The following ZSWIM9 variants were observed in gnomAD, a reference collection of about 807,000 sequenced individuals.
ZSWIM9 encodes the protein zinc finger SWIM-type containing 9.
A neutral mutation model predicts 25.0 loss-of-function variants in ZSWIM9; 11 were observed. The ratio of observed to expected loss-of-function variants is 0.44; its 90% CI spans 0.28 to 0.73. ZSWIM9 has a LOEUF of 0.73. Ranked by LOEUF, ZSWIM9 falls within the 30% of genes least tolerant of loss-of-function variation. The probability of loss-of-function intolerance (pLI) is 0.16; values close to 1 mark genes in which losing one functional copy is unlikely to be tolerated. For missense variants in ZSWIM9, 1,070 were observed against 1,296.5 expected (o/e 0.83, Z 2.68); for synonymous variants, 562 against 582.1 (o/e 0.97, Z 0.50).
intron 2 of ZSWIM9, among the ~76,000 whole-genome samples, chr19:48,178,125 T>C (rs1484342668): frequency 2.0e-5 from 3 of 152,230 alleles, no homozygotes; most frequent in Non-Finnish European, 4.4e-5. Context: ...CTCGAACTCC[T>C]GACCTCAAGT....
At chr19:48,178,684 T>C (rs930772393) in intron 2 of ZSWIM9, among the ~76,000 whole-genome samples, 1 of 152,022 alleles carries the variant, frequency 6.6e-6, no homozygotes, top group African/African-American at 2.4e-5. Flanking sequence ...TCAAGCGATC[T>C]CCTGCCTCAG....
In ZSWIM9 at chr19:48,192,508, C is replaced by T. The variant is rs1156362053; in HGVS notation, c.589-2145C>T. ...ATATATATATATATATACACACACACACACACACACATTTACATAGCCCCG... is the reference window on the plus strand; with the variant it reads ...ATATATATATATATATACACACACATACACACACACATTTACATAGCCCCG... On this transcript the variant is annotated intron_variant, in intron 3 of 3. Coordinates refer to ENST00000614654, the MANE Select transcript of ZSWIM9 (RefSeq NM_199341.4). 3.5e-4 allele frequency among the ~76,000 whole-genome samples: 27 copies of T among 77,954 alleles called. 1 individual carries two copies. The highest frequency in any genetic ancestry group is 2.2e-3 in the South Asian group (4 of 1,814). The allele number at this position is 77,954 out of a possible 152,430, so 51.1% of individuals were successfully genotyped here.
chr19:48,192,473 A>G (rs1302457489), intron 3 of ZSWIM9, among the ~76,000 whole-genome samples: 2 of 34,358 alleles, frequency 5.8e-5, no homozygotes, highest in African/African-American at 2.0e-4. Flanking sequence ...AAAAAAAAAA[A>G]AAAAAAAATA....
In ZSWIM9 at chr19:48,197,039, GTGT is replaced by G; in HGVS notation, c.*215_*217del. On this transcript the variant is annotated 3_prime_UTR_variant, in exon 4 of 4. Transcript: ENST00000614654. Reference sequence around the variant, plus strand: ...GGTCCTGGAGCCACAGCTTGGGAAGGTGTTGATGGGCAGGGTGGATTCTGAGGG... The same window carrying G: ...GGTCCTGGAGCCACAGCTTGGGAAGGTGATGGGCAGGGTGGATTCTGAGGG... The G allele has an allele frequency of 1.8e-6, 1 of 551,014 alleles. No individual in the cohort carries two copies. Among genetic ancestry groups the G allele is most frequent in the South Asian group, 2.8e-5 (1 of 35,626 alleles). The allele number at this position is 551,014 out of a possible 1,614,324, so 34.1% of individuals were successfully genotyped here.
rs1199874581 is a variant in ZSWIM9 at position 48,182,962 on chromosome 19, G to A, written c.588+195G>A. ...AACCAGACCCACGTGGTCTCTGTCC[G>A]CAGAGAGCTTACCTTCTAGGGTAGT... is the stretch of plus-strand genomic sequence containing the variant. On this transcript the variant is annotated intron_variant, in intron 3 of 3. Transcript: ENST00000614654. The surrounding 1 kb of genome is among the most constrained non-coding windows in gnomAD (Gnocchi z 4.6). The A allele has an allele frequency of 1.5e-5, 9 of 592,140 alleles. No individual in the cohort carries two copies. The highest frequency in any genetic ancestry group is 5.6e-5 in the East Asian group (2 of 35,408). The allele number at this position is 592,140 out of a possible 1,614,324, so 36.7% of individuals were successfully genotyped here.
At chr19:48,177,291 C>A (rs929094954) in intron 2 of ZSWIM9, among the ~76,000 whole-genome samples, 1 of 151,920 alleles carries the variant, frequency 6.6e-6, no homozygotes, top group Non-Finnish European at 1.5e-5. Flanking sequence ...ATGGGTAGGA[C>A]GTGGTGATGG....
At position 48,196,918 on chromosome 19, in the gene ZSWIM9, G is replaced by A. The variant is rs1456349535; in HGVS notation, c.*91G>A. On this transcript the variant is annotated 3_prime_UTR_variant, in exon 4 of 4. Transcript: ENST00000614654. ...TAATAGGGCTGAGGCCAAGGAGACCGTTGCAGTCCCCCTGGCCACCTTCTG... is the reference window on the plus strand; with the variant it reads ...TAATAGGGCTGAGGCCAAGGAGACCATTGCAGTCCCCCTGGCCACCTTCTG... 5 of 1,221,410 alleles carry A rather than the reference G, an allele frequency of 4.1e-6. No individual in the cohort carries two copies. Among genetic ancestry groups the A allele is most frequent in the Admixed American group, 7.5e-5 (2 of 26,558 alleles). The allele number at this position is 1,221,410 out of a possible 1,614,324, so 75.7% of individuals were successfully genotyped here. A position where few individuals can be genotyped will look rare whatever the true frequency, so the allele number is the denominator to read the frequency against.
Position 48,171,800 on chromosome 19 carries a change from A to G in ZSWIM9, c.-3A>G. ...TCTCCCCTCCTCCACGCAGGCCCCC[A>G]GGATGGAGCGGCCGGAGCCCCCACC... On this transcript the variant is annotated 5_prime_UTR_variant, in exon 2 of 4. Transcript: ENST00000614654. The G allele has an allele frequency of 3.3e-6, 5 of 1,531,004 alleles. No homozygotes were observed. The highest frequency in any genetic ancestry group is 4.4e-6 in the Non-Finnish European group (5 of 1,144,794). The allele number at this position is 1,531,004 out of a possible 1,614,324, so 94.8% of individuals were successfully genotyped here. A position where few individuals can be genotyped will look rare whatever the true frequency, so the allele number is the denominator to read the frequency against.
In ZSWIM9 at chr19:48,170,703, C is replaced by T. The variant is rs570490312; in HGVS notation, c.-21C>T. 5 of 156,560 alleles carry T rather than the reference C, an allele frequency of 3.2e-5. No homozygotes were observed. The highest frequency in any genetic ancestry group is 1.3e-4 in the African/African-American group (4 of 31,130). The allele number at this position is 156,560 out of a possible 1,614,324, so 9.7% of individuals were successfully genotyped here. ...GCATTGTGGGAGGTGGACGCCGCTCCGGGGCGGGTAGGTGAGTGGGGAGGG... is the reference window on the plus strand; with the variant it reads ...GCATTGTGGGAGGTGGACGCCGCTCTGGGGCGGGTAGGTGAGTGGGGAGGG... On this transcript the variant is annotated 5_prime_UTR_variant, in exon 1 of 4. Coordinates refer to ENST00000614654, the MANE Select transcript of ZSWIM9 (RefSeq NM_199341.4).
rs1054568698 is a variant in ZSWIM9 at position 48,196,800 on chromosome 19, T to C, written c.2736T>C (p.Asp912=). ...TATTCCACATGGACCTGCTCAGGGA[T>C]TGCTGGGGGAGAGCCCCAGAGCCCT... ...AALFHMDLLR[D]CWGRAPEP The change falls in exon 4 of 4, where the codon GAT becomes GAC. Residue 912 remains aspartate (D), a synonymous_variant. Transcript: ENST00000614654. 23 of 1,235,976 alleles carry C rather than the reference T, an allele frequency of 1.9e-5. No individual in the cohort carries two copies. The highest frequency in any genetic ancestry group is 2.3e-5 in the Non-Finnish European group (23 of 990,502). 76.6% of individuals were successfully genotyped at this position (1,235,976 alleles called of 1,614,324 possible).
At chr19:48,190,968 G>T (rs752094671) in intron 3 of ZSWIM9, among the ~76,000 whole-genome samples, 2 of 152,180 alleles carry the variant, frequency 1.3e-5, no homozygotes, top group African/African-American at 4.8e-5. Flanking sequence ...GTGGGACATG[G>T]AACAAGTTAT....
At chr19:48,170,880 G>C (rs887598344) in intron 1 of ZSWIM9, among the ~76,000 whole-genome samples, 166 bp downstream of exon 1, 2 of 151,958 alleles carry the variant, frequency 1.3e-5, no homozygotes, top group African/African-American at 2.4e-5. Flanking sequence ...AGCTGGACGT[G>C]GGGGGAGCAT....
At chr19:48,175,584 G>A (rs979703801) in intron 2 of ZSWIM9, among the ~76,000 whole-genome samples, 3 of 152,120 alleles carry the variant, frequency 2.0e-5, no homozygotes, top group Admixed American at 1.3e-4. Context: ...AAGGCTGTGA[G>A]TAGGGTCAGT....
Position 48,182,176 on chromosome 19 carries a change from CTG to C in ZSWIM9, c.276-275_276-274del. 2.2e-6 allele frequency: 1 copy of C among 458,792 alleles called. No homozygotes were observed. Among genetic ancestry groups the C allele is most frequent in the Non-Finnish European group, 3.8e-6 (1 of 259,844 alleles). 28.4% of individuals were successfully genotyped at this position (458,792 alleles called of 1,614,324 possible). On this transcript the variant is annotated intron_variant, in intron 2 of 3. Coordinates refer to ENST00000614654, the MANE Select transcript of ZSWIM9 (RefSeq NM_199341.4). This position sits in a 1 kb window ranked among gnomAD's most constrained non-coding sequence, Gnocchi z 4.6. ...CTTACTGCTTGCCATATTCCAGACA[CTG>C]TGTAGGTGCTTTACCTATATTAACT...
intron 2 of ZSWIM9, among the ~76,000 whole-genome samples, chr19:48,173,301 T>G (rs1198902026): frequency 6.6e-6 from 1 of 152,192 alleles, no homozygotes; most frequent in Non-Finnish European, 1.5e-5. Flanking sequence ...GTATTTTATT[T>G]AGTCTTTATT....
In ZSWIM9 at chr19:48,195,737, A is replaced by T; in HGVS notation, c.1673A>T (p.Asp558Val). 2 of 1,482,168 alleles carry T rather than the reference A, an allele frequency of 1.3e-6. No individual in the cohort carries two copies. Among genetic ancestry groups the T allele is most frequent in the South Asian group, 2.7e-5 (2 of 75,378 alleles). 91.8% of individuals were successfully genotyped at this position (1,482,168 alleles called of 1,614,324 possible). The change falls in exon 4 of 4, where the codon GAC (aspartate) becomes GTC (valine). Residue 558 changes from aspartate to valine, a missense_variant. Transcript: ENST00000614654. This position sits in a 1 kb window ranked among gnomAD's most constrained non-coding sequence, Gnocchi z 5.8. ...KGHLRGPEIR[D>V]WRGPQLEGEK... ...CACCTGAGAGGGCCAGAGATTAGAG[A>T]CTGGAGGGGGCCCCAGTTGGAGGGT...
Position 48,195,068 on chromosome 19 carries a change from C to G in ZSWIM9, c.1004C>G (p.Ala335Gly). 2 of 1,374,400 alleles carry G rather than the reference C, an allele frequency of 1.5e-6. No homozygotes were observed. The highest frequency in any genetic ancestry group is 9.3e-7 in the Non-Finnish European group (1 of 1,073,084). The allele number at this position is 1,374,400 out of a possible 1,614,324, so 85.1% of individuals were successfully genotyped here. Residue 335 changes from alanine to glycine, a missense_variant, in exon 4 of 4, where the codon GCC becomes GGC. Ala to Gly is a moderately conservative substitution (Grantham distance 60). Coordinates refer to ENST00000614654, the MANE Select transcript of ZSWIM9 (RefSeq NM_199341.4). This position sits in a 1 kb window ranked among gnomAD's most constrained non-coding sequence, Gnocchi z 5.8. ...LFSKAQELGG[A>G]GREDPGLWSR... Reference sequence around the variant, plus strand: ...AGCAAGGCGCAGGAGCTGGGCGGCGCCGGCCGCGAGGACCCGGGCCTGTGG... The same window carrying G: ...AGCAAGGCGCAGGAGCTGGGCGGCGGCGGCCGCGAGGACCCGGGCCTGTGG...
rs1568579337 is a variant in ZSWIM9 at position 48,187,429 on chromosome 19, T to TATTATATATTAATTATA, written c.588+4662_588+4663insATTATATATTAATTATA. ...TTATATATTATAATTATATATTATA[T>TATTATATATTAATTATA]TATATTATATATATTATATATTATA... On this transcript the variant is annotated intron_variant, in intron 3 of 3. Coordinates refer to ENST00000614654, the MANE Select transcript of ZSWIM9 (RefSeq NM_199341.4). Among the ~76,000 whole-genome samples, 11 of 103,986 alleles carry TATTATATATTAATTATA rather than the reference T, an allele frequency of 1.1e-4. No individual in the cohort carries two copies. In the East Asian group the frequency reaches 2.1e-3, roughly 20 times the overall value. The allele number at this position is 103,986 out of a possible 152,430, so 68.2% of individuals were successfully genotyped here. A position where few individuals can be genotyped will look rare whatever the true frequency, so the allele number is the denominator to read the frequency against.
chr19:48,182,127 G>T lies in ZSWIM9; in HGVS notation c.276-328G>T, dbSNP rs1375090314. 3.1e-6 allele frequency: 1 copy of T among 320,798 alleles called. No homozygotes were observed. Among genetic ancestry groups the T allele is most frequent in the Non-Finnish European group, 5.7e-6 (1 of 175,724 alleles). The allele number at this position is 320,798 out of a possible 1,614,324, so 19.9% of individuals were successfully genotyped here. The stretch of plus-strand genomic sequence containing the variant: ...CTCACTTTTGACAGAACTAAGGGTG[G>T]TAGGTATAGAATTTTAGTGAACACT... On this transcript the variant is annotated intron_variant, in intron 2 of 3. Coordinates refer to ENST00000614654, the MANE Select transcript of ZSWIM9 (RefSeq NM_199341.4). The surrounding 1 kb of genome is among the most constrained non-coding windows in gnomAD (Gnocchi z 4.6).
Sources: allele counts gnomAD v4.1 joint callset (sites outside exome capture counted in the v4.1 genomes callset), GRCh38; gene constraint gnomAD v4.1.1; non-coding constraint Gnocchi (gnomAD v3.1); transcripts MANE v1.5; gene names NCBI Gene and HGNC (gene_info 2026-07-23, HGNC 2026-07-21).